The following NPY1R variants were observed in gnomAD, a reference collection of about 807,000 sequenced individuals.
NPY1R encodes the protein neuropeptide Y receptor type 1.
A neutral mutation model predicts 24.1 loss-of-function variants in NPY1R; 10 were observed. That is an observed-to-expected ratio of 0.42 (90% CI 0.26 to 0.71). The LOEUF (loss-of-function observed/expected upper bound fraction) is 0.71, where lower values mean the gene tolerates loss of function less well. Among genes scored for constraint, NPY1R ranks in the 30% least tolerant of loss-of-function variants. NPY1R has a pLI of 0.28. For synonymous variants in NPY1R, 168 were observed against 165.9 expected, an observed-to-expected ratio of 1.01 and a Z score of -0.10; for missense variants, 350 against 458.0, an observed-to-expected ratio of 0.76 and a Z score of 2.15.
chr4:163,333,920 A>G (rs1433135805), upstream of NPY1R, among the ~76,000 whole-genome samples: 2 of 152,218 alleles, frequency 1.3e-5, no homozygotes, highest in Non-Finnish European at 2.9e-5. Context: ...AGTGTATAAC[A>G]ACAGATATAA....
upstream of NPY1R, among the ~76,000 whole-genome samples, chr4:163,336,198 A>T (rs1035071239): frequency 1.8e-4 from 28 of 152,118 alleles, no homozygotes; most frequent in Admixed American, 1.8e-3. Context: ...ATTTTTAAAA[A>T]CTCTGTCACA....
chr4:163,334,525 C>G (rs192472574), upstream of NPY1R, among the ~76,000 whole-genome samples: 12 of 152,306 alleles, frequency 7.9e-5, no homozygotes, highest in African/African-American at 2.9e-4. Flanking sequence ...GTCTCAAGGA[C>G]TCTTTTCTAT....
intron 1 of NPY1R, among the ~76,000 whole-genome samples, chr4:163,328,431 A>G (rs1416152839): frequency 6.6e-6 from 1 of 152,234 alleles, no homozygotes; most frequent in East Asian, 1.9e-4. Context: ...TTAGCATCAT[A>G]TTTCCTATTT....
intron 1 of NPY1R, chr4:163,331,090 C>A (rs754274819): frequency 6.6e-5 from 10 of 152,266 alleles, no homozygotes; most frequent in Non-Finnish European, 1.3e-4. Context: ...GGAACCTGGT[C>A]GGGTTAGCTT....
chr4:163,332,060 A>T (rs942112137), intron 1 of NPY1R, among the ~76,000 whole-genome samples: 1 of 152,204 alleles, frequency 6.6e-6, no homozygotes, highest in Non-Finnish European at 1.5e-5. Flanking sequence ...TACTCCGCGA[A>T]AACTCCGGTG....
At chr4:163,335,145 C>T (rs1234269792), upstream of NPY1R, among the ~76,000 whole-genome samples, 1 of 152,108 alleles carries the variant, frequency 6.6e-6, no homozygotes, top group African/African-American at 2.4e-5. Flanking sequence ...GCCTACTTTC[C>T]TATCTGGGAT....
chr4:163,340,568 C>T (rs548773275), intron 1 of NPY1R, among the ~76,000 whole-genome samples: 1 of 152,108 alleles, frequency 6.6e-6, no homozygotes, highest in Admixed American at 6.5e-5. Flanking sequence ...TATGATTTTT[C>T]TACACATATG....
chr4:163,339,874 G>A (rs1333593424), intron 1 of NPY1R, among the ~76,000 whole-genome samples: 2 of 151,932 alleles, frequency 1.3e-5, no homozygotes, highest in African/African-American at 4.8e-5. Flanking sequence ...CTTGAGGAAC[G>A]GTCTCATATT....
chr4:163,326,409 G>C lies in NPY1R; in HGVS notation c.146C>G (p.Ala49Gly). 6.2e-7 allele frequency: 1 copy of C among 1,614,036 alleles called. No individual in the cohort carries two copies. Among genetic ancestry groups the C allele is most frequent in the Non-Finnish European group, 8.5e-7 (1 of 1,179,896 alleles). The change falls in exon 2 of 3, where the codon GCT becomes GGT. Residue 49 changes from alanine (A) to glycine (G), a missense_variant. Coordinates refer to ENST00000296533, the MANE Select transcript of NPY1R (RefSeq NM_000909.6). The stretch of plus-strand genomic sequence containing the variant: ...TCCAGAGACACCAAGAATGATCACA[G>C]CTCCATAAGCAAGAGCTAAGGTAAA... ...MIFTLALAYG[A>G]VIILGVSGNL...
intron 1 of NPY1R, among the ~76,000 whole-genome samples, chr4:163,329,632 T>TG (rs1386999687): frequency 6.6e-6 from 1 of 150,602 alleles, no homozygotes; most frequent in Non-Finnish European, 1.5e-5. Flanking sequence ...AACTGGGATT[T>TG]GGGGGAGCTG....
rs772660007 is a variant in NPY1R, at chr4:163,325,367, AAAG to A, written c.1088_1090del (p.Ser363del). ...AAATGCGACTGGGCTTGCTTGCTTC[AAAG>A]AAGTTTTGGAAACATCTGTGTGCAT... On this transcript the variant is annotated inframe_deletion, in exon 3 of 3. Coordinates refer to ENST00000296533, the MANE Select transcript of NPY1R (RefSeq NM_000909.6). 4 of 1,613,900 alleles carry A rather than the reference AAAG, an allele frequency of 2.5e-6. No individual in the cohort carries two copies. The highest frequency in any genetic ancestry group is 2.5e-6 in the Non-Finnish European group (3 of 1,179,966).
At chr4:163,337,253 A>G (rs1203477508), upstream of NPY1R, among the ~76,000 whole-genome samples, 1 of 152,180 alleles carries the variant, frequency 6.6e-6, no homozygotes, top group Admixed American at 6.5e-5. Flanking sequence ...ATGTAGGTTA[A>G]AGCTCAACTG....
intron 1 of NPY1R, among the ~76,000 whole-genome samples, chr4:163,329,899 C>T (rs1553970703): frequency 6.8e-6 from 1 of 146,972 alleles, no homozygotes; most frequent in Non-Finnish European, 1.5e-5. Context: ...ACTGTAGAGC[C>T]TTTTTTTTTT....
chr4:163,339,829 G>A (rs991260403), intron 1 of NPY1R, among the ~76,000 whole-genome samples: 1 of 152,040 alleles, frequency 6.6e-6, no homozygotes, highest in East Asian at 1.9e-4. Context: ...CTTGAATATG[G>A]ACCCTACTTC....
rs201542576 is a variant in NPY1R, at chr4:163,325,855, C to T, written c.699+1G>A. The T allele has an allele frequency of 6.2e-7, 1 of 1,611,410 alleles. No homozygotes were observed. Among genetic ancestry groups the T allele is most frequent in the East Asian group, 2.2e-5 (1 of 44,824 alleles). ...AAATGATAGAAAAAAAGTTTTCTTA[C>T]CTTGAAGTAGCAAATAAATATAAAA... On this transcript the variant is annotated splice_donor_variant, in intron 2 of 2. Transcript: ENST00000296533. LOFTEE classifies it high-confidence loss of function.
chr4:163,333,151 C>G (rs759949054), upstream of NPY1R: 9 of 152,090 alleles, frequency 5.9e-5, no homozygotes, highest in African/African-American at 2.2e-4. Flanking sequence ...TCAATCGGCC[C>G]TCCTTTCTTT....
upstream of NPY1R, among the ~76,000 whole-genome samples, chr4:163,337,678 A>G (rs1734874404): frequency 6.6e-6 from 1 of 152,198 alleles, no homozygotes; most frequent in Non-Finnish European, 1.5e-5. Flanking sequence ...ACTAAGTTTG[A>G]GGAAGGTTTA....
chr4:163,325,431 G>A lies in NPY1R; in HGVS notation c.1027C>T (p.Arg343Trp), dbSNP rs753896952. 4 of 1,614,066 alleles carry A rather than the reference G, an allele frequency of 2.5e-6. No individual in the cohort carries two copies. Among genetic ancestry groups the A allele is most frequent in the East Asian group, 2.2e-5 (1 of 44,876 alleles). Residue 343 changes from arginine to tryptophan, a missense_variant, in exon 3 of 3, where the codon CGG becomes TGG. Arg to Trp is a moderately radical substitution (Grantham distance 101). Transcript: ENST00000296533. The part of the protein sequence containing the change: ...FFFNFCDFRS[R>W]DDDYETIAMS... ...GCTATTGTTTCATAATCATCATCCC[G>A]AGACCGGAAATCACAAAAGTTGAAG...
chr4:163,329,758 A>G (rs1048790837), intron 1 of NPY1R, among the ~76,000 whole-genome samples: 1 of 152,190 alleles, frequency 6.6e-6, no homozygotes, highest in African/African-American at 2.4e-5. Context: ...CAGGGATTGC[A>G]TCCCATATGG....
Sources: gnomAD v4.1 joint callset for allele counts (sites outside exome capture counted in the v4.1 genomes callset) on GRCh38, gnomAD v4.1.1 for gene constraint, MANE v1.5 for transcripts, NCBI Gene and HGNC (gene_info 2026-07-23, HGNC 2026-07-21) for gene names.